The following GRIN2A variants were observed in gnomAD, a reference collection of about 807,000 sequenced individuals.
GRIN2A encodes the protein glutamate ionotropic receptor NMDA type subunit 2A, also known as glutamate receptor ionotropic, NMDA 2A.
Under a neutral mutation model 113.4 loss-of-function variants are expected in GRIN2A, and 22 were observed. That is an observed-to-expected ratio of 0.19 (90% CI 0.14 to 0.28). The LOEUF is 0.28. GRIN2A is among the 10% of genes least tolerant of loss of function. The pLI is 1.00. For synonymous variants in GRIN2A, 827 were observed against 738.4 expected, an observed-to-expected ratio of 1.12 and a Z score of -1.94; for missense variants, 1,502 against 1,887.0, an observed-to-expected ratio of 0.80 and a Z score of 3.78.
chr16:9,877,652 C>T (rs971194647), intron 4 of GRIN2A, among the ~76,000 whole-genome samples: 3 of 126,832 alleles, frequency 2.4e-5, no homozygotes, highest in African/African-American at 9.0e-5. Flanking sequence ...CTCTCTCCCT[C>T]TCCCCCCTCT....
chr16:9,827,319 G>A (rs1182817436), intron 9 of GRIN2A, among the ~76,000 whole-genome samples: 2 of 152,222 alleles, frequency 1.3e-5, no homozygotes, highest in Non-Finnish European at 1.5e-5. Flanking sequence ...TTTAGGCGGG[G>A]ATCTTACAGT....
intron 2 of GRIN2A, among the ~76,000 whole-genome samples, chr16:9,974,741 A>T (rs2045742443): frequency 6.6e-6 from 1 of 152,226 alleles, no homozygotes; most frequent in Non-Finnish European, 1.5e-5. Flanking sequence ...GAAAAGCTAA[A>T]GATGTTTCAT....
chr16:9,890,388 G>T (rs2043670085), intron 4 of GRIN2A, among the ~76,000 whole-genome samples: 1 of 152,248 alleles, frequency 6.6e-6, no homozygotes, highest in African/African-American at 2.4e-5. Flanking sequence ...TCTGACCCAG[G>T]TCATGACATG....
intron 3 of GRIN2A, among the ~76,000 whole-genome samples, chr16:9,929,451 A>G (rs528522852): frequency 6.6e-6 from 1 of 152,288 alleles, no homozygotes; most frequent in African/African-American, 2.4e-5. Context: ...CCTCATATTC[A>G]TCTGTCAAGT....
At chr16:9,806,439 A>C (rs935052237) in intron 10 of GRIN2A, among the ~76,000 whole-genome samples, 1 of 152,162 alleles carries the variant, frequency 6.6e-6, no homozygotes, top group Non-Finnish European at 1.5e-5. Flanking sequence ...TTTTTTTACC[A>C]ATAATATTCA....
chr16:9,881,607 C>T (rs1490918304), intron 4 of GRIN2A, among the ~76,000 whole-genome samples: 1 of 152,166 alleles, frequency 6.6e-6, no homozygotes, highest in Non-Finnish European at 1.5e-5. Context: ...CTAAAAGATG[C>T]TCCTCATTTG....
chr16:10,166,477 G>C (rs557121066), intron 2 of GRIN2A, among the ~76,000 whole-genome samples: 1 of 152,082 alleles, frequency 6.6e-6, no homozygotes. Context: ...GTAGGGGCAG[G>C]CACCCAGGAC....
intron 2 of GRIN2A, among the ~76,000 whole-genome samples, chr16:10,124,201 A>G (rs1310894443): frequency 6.6e-6 from 1 of 152,132 alleles, no homozygotes; most frequent in Non-Finnish European, 1.5e-5. Context: ...TCCAAAACCT[A>G]GGCCACGATG....
At chr16:9,828,203 C>A (rs2042422990) in intron 9 of GRIN2A, among the ~76,000 whole-genome samples, 2 of 152,144 alleles carry the variant, frequency 1.3e-5, no homozygotes, top group South Asian at 4.1e-4. Context: ...AGGGATGGAG[C>A]AAGAGGAAGG....
intron 2 of GRIN2A, among the ~76,000 whole-genome samples, chr16:10,065,770 C>A (rs1192257685): frequency 1.3e-5 from 2 of 152,120 alleles, no homozygotes; most frequent in Non-Finnish European, 2.9e-5. Context: ...TACTCCAACC[C>A]CATCTCAAGC....
chr16:10,101,655 C>T (rs769589863), intron 2 of GRIN2A, among the ~76,000 whole-genome samples: 1 of 152,190 alleles, frequency 6.6e-6, no homozygotes, highest in Non-Finnish European at 1.5e-5. Flanking sequence ...AAACTTGGGA[C>T]AAGAGCCTAA....
At chr16:10,081,517 G>A (rs1188132095) in intron 2 of GRIN2A, among the ~76,000 whole-genome samples, 1 of 152,192 alleles carries the variant, frequency 6.6e-6, no homozygotes, top group Non-Finnish European at 1.5e-5. Flanking sequence ...AATTTTTTCT[G>A]ATTAAAAGTA....
At chr16:10,032,371 G>T (rs371328610) in intron 2 of GRIN2A, among the ~76,000 whole-genome samples, 1 of 152,094 alleles carries the variant, frequency 6.6e-6, no homozygotes, top group Admixed American at 6.5e-5. Context: ...TTAAATGTGG[G>T]TCTACCCACC....
chr16:9,856,443 A>G (rs577351762), intron 4 of GRIN2A, among the ~76,000 whole-genome samples: 1 of 151,474 alleles, frequency 6.6e-6, no homozygotes, highest in South Asian at 2.1e-4. Context: ...ACATGGTGAA[A>G]CCCCGTCTCT....
chr16:9,860,504 T>C lies in GRIN2A; in HGVS notation c.1123-10543A>G, dbSNP rs1376505583. Among the ~76,000 whole-genome samples, 5 of 149,940 alleles carry C rather than the reference T, an allele frequency of 3.3e-5. No homozygotes were observed. The South Asian group carries it at 1.1e-3, about 32-fold the overall frequency. The stretch of plus-strand genomic sequence containing the variant: ...AAGGGAGTTAGTAGGTTGCCTGTTA[T>C]GGGGTTTTATCTTTATCCTATGGGC... On this transcript the variant is annotated intron_variant, in intron 4 of 12. Coordinates refer to ENST00000330684, the MANE Select transcript of GRIN2A (RefSeq NM_001134407.3).
chr16:10,072,717 C>T (rs569661996), intron 2 of GRIN2A, among the ~76,000 whole-genome samples: 1 of 152,306 alleles, frequency 6.6e-6, no homozygotes, highest in East Asian at 1.9e-4. Context: ...TAAACATGTG[C>T]ATCCTAGGCT....
At chr16:10,164,912 G>C (rs2049880016) in intron 2 of GRIN2A, among the ~76,000 whole-genome samples, 3 of 152,182 alleles carry the variant, frequency 2.0e-5, no homozygotes, top group African/African-American at 4.8e-5. Context: ...AAAAATTTCT[G>C]TTTCAAGAGC....
chr16:10,109,668 A>G (rs2048573058), intron 2 of GRIN2A, among the ~76,000 whole-genome samples: 1 of 151,988 alleles, frequency 6.6e-6, no homozygotes, highest in South Asian at 2.1e-4. Context: ...AATAAGACCT[A>G]CCATTTAATA....
intron 4 of GRIN2A, among the ~76,000 whole-genome samples, chr16:9,878,106 T>G (rs1340821887): frequency 1.3e-5 from 2 of 152,106 alleles, no homozygotes; most frequent in African/African-American, 4.8e-5. Context: ...CTAGCAAGGG[T>G]GCAGCTTTTG....
Sources: gnomAD v4.1 joint callset for allele counts (sites outside exome capture counted in the v4.1 genomes callset) on GRCh38, gnomAD v4.1.1 for gene constraint, MANE v1.5 for transcripts, NCBI Gene and HGNC (gene_info 2026-07-23, HGNC 2026-07-21) for gene names.